Variants in GSN observed in about 807,000 individuals in gnomAD.
GSN encodes the protein actin-depolymerizing factor.
Under a neutral mutation model 85.7 loss-of-function variants are expected in GSN, and 56 were observed. The observed-to-expected ratio is 0.65, with a 90% CI of 0.53 to 0.82. The LOEUF is 0.82. Among genes scored for constraint, GSN ranks in the 40% least tolerant of loss-of-function variants. The pLI, the probability that GSN is intolerant of heterozygous loss-of-function variation, is 0.00. For missense variants in GSN, 857 were observed against 979.8 expected, an observed-to-expected ratio of 0.87 and a Z score of 1.67; for synonymous variants, 373 against 399.1, an observed-to-expected ratio of 0.93 and a Z score of 0.78.
intron 10 of GSN, 56 bp from the exon 11 acceptor site, chr9:121,321,212 C>G: frequency 1.9e-6 from 3 of 1,605,036 alleles, no homozygotes; most frequent in East Asian, 2.2e-5. Context: ...CCTGGCTTGC[C>G]TGAGCTGGGG....
Position 121,302,948 on chromosome 9 carries a change from C to T in GSN, c.234C>T (p.Ala78=). Residue 78 remains alanine, a synonymous_variant, in exon 4 of 18, where the codon GCC becomes GCT. Transcript: ENST00000432226. The part of the protein sequence containing the change: ...ECSQDESGAA[A]IFTVQLDDYL... ...GCCAGGATGAGAGCGGGGCGGCCGC[C>T]ATCTTTACCGTGCAGCTGGATGACT... 2 of 1,614,002 alleles carry T rather than the reference C, an allele frequency of 1.2e-6. No homozygotes were observed. Among genetic ancestry groups the T allele is most frequent in the Non-Finnish European group, 1.7e-6 (2 of 1,180,024 alleles).
At chr9:121,241,973 C>T (rs1271473920) in intron 5 of GSN, among the ~76,000 whole-genome samples, 1 of 152,202 alleles carries the variant, frequency 6.6e-6, no homozygotes, top group Non-Finnish European at 1.5e-5. Context: ...TGGGTCTCTA[C>T]AGATCTTGGT....
At chr9:121,288,606 G>A (rs867935726) in intron 2 of GSN, among the ~76,000 whole-genome samples, 8 of 152,176 alleles carry the variant, frequency 5.3e-5, no homozygotes, top group African/African-American at 1.7e-4. Flanking sequence ...GCACTGAGAC[G>A]GGAAGTCACT....
chr9:121,273,028 CA>C (rs1182603082), intron 1 of GSN, among the ~76,000 whole-genome samples: 1 of 152,180 alleles, frequency 6.6e-6, no homozygotes, highest in African/African-American at 2.4e-5. Flanking sequence ...GGAGCCTCTT[CA>C]CCTCTTGCAT....
chr9:121,222,600 A>G (rs2054189746), intron 4 of GSN, among the ~76,000 whole-genome samples: 1 of 152,184 alleles, frequency 6.6e-6, no homozygotes, highest in Non-Finnish European at 1.5e-5. Context: ...ATGGGCAAGG[A>G]TAATTTGCAT....
chr9:121,269,026 T>A (rs1019759814), intron 1 of GSN, among the ~76,000 whole-genome samples: 34 of 152,206 alleles, frequency 2.2e-4, no homozygotes, highest in African/African-American at 8.2e-4. Context: ...CCTAGCTCCT[T>A]GTCTGCCCAG....
Position 121,317,235 on chromosome 9 carries a change from A to G in GSN, c.886+17A>G, listed in dbSNP as rs759999187. The stretch of plus-strand genomic sequence containing the variant: ...TCTGGAAAGGTACTGGAGACAGGGA[A>G]AGGGTCCCAACTGGCCTGTAGGATC... On this transcript the variant is annotated intron_variant, in intron 8 of 17. Coordinates refer to ENST00000432226, the MANE Select transcript of GSN (RefSeq NM_198252.3). 1.7e-5 allele frequency: 27 copies of G among 1,613,572 alleles called. No homozygotes were observed. Among genetic ancestry groups the G allele is most frequent in the Non-Finnish European group, 2.1e-5 (25 of 1,179,760 alleles).
chr9:121,305,718 TTGGGGCTTC>T (rs2060338724), intron 4 of GSN, among the ~76,000 whole-genome samples: 1 of 152,206 alleles, frequency 6.6e-6, no homozygotes, highest in Admixed American at 6.5e-5. Flanking sequence ...GGGCCCAGAT[TTGGGGCTTC>T]TGTCCTGAAA....
Position 121,332,619 on chromosome 9 carries a change from A to G in GSN, c.*16A>G. The stretch of plus-strand genomic sequence containing the variant: ...GGCTGCCTGAGGAGGGGCAGGGCCC[A>G]CCCATGTCACCGGTCAGTGCCTTTT... On this transcript the variant is annotated 3_prime_UTR_variant, in exon 18 of 18. Transcript: ENST00000432226. This position sits in a 1 kb window ranked among gnomAD's most constrained non-coding sequence, Gnocchi z 4.8. The G allele has an allele frequency of 1.9e-6, 3 of 1,605,130 alleles. No homozygotes were observed. Among genetic ancestry groups the G allele is most frequent in the Non-Finnish European group, 2.6e-6 (3 of 1,174,492 alleles).
upstream of GSN, among the ~76,000 whole-genome samples, chr9:121,264,513 A>G (rs2055158132): frequency 6.6e-6 from 1 of 152,196 alleles, no homozygotes; most frequent in Admixed American, 6.5e-5. Flanking sequence ...CACTAAACAC[A>G]CTAAATCAGT....
intron 2 of GSN, chr9:121,281,813 C>G: frequency 2.1e-6 from 1 of 471,190 alleles, no homozygotes; most frequent in Non-Finnish European, 4.4e-6. Context: ...ATGCCTGGCT[C>G]CCACCCTGGC....
chr9:121,315,894 T>A (rs2061657637), intron 7 of GSN, among the ~76,000 whole-genome samples: 1 of 152,256 alleles, frequency 6.6e-6, no homozygotes, highest in Non-Finnish European at 1.5e-5. Context: ...GTGCCTTGGT[T>A]TCCTTGTGAA....
intron 7 of GSN, 59 bp downstream of exon 7, chr9:121,314,082 T>C (rs2133543392): frequency 8.3e-6 from 11 of 1,321,328 alleles, no homozygotes; most frequent in Non-Finnish European, 1.1e-5. Context: ...GGTGGAAGAC[T>C]TGGTCTTCCC....
At chr9:121,305,609 C>G (rs996321354) in intron 4 of GSN, among the ~76,000 whole-genome samples, 1 of 152,224 alleles carries the variant, frequency 6.6e-6, no homozygotes, top group Admixed American at 6.5e-5. Context: ...TTGATCCTCG[C>G]TCGGATATGG....
At chr9:121,255,157 C>G (rs2054926244) in intron 6 of GSN, among the ~76,000 whole-genome samples, 2 of 152,160 alleles carry the variant, frequency 1.3e-5, no homozygotes, top group Admixed American at 1.3e-4. Flanking sequence ...ACCGTATTAG[C>G]CAGGATGGTC....
chr9:121,264,113 T>C (rs1564365454), upstream of GSN, among the ~76,000 whole-genome samples: 1 of 152,200 alleles, frequency 6.6e-6, no homozygotes, highest in African/African-American at 2.4e-5. Context: ...TAGATTGTTA[T>C]TGAAGGCTGT....
At chr9:121,273,267 A>G (rs10760167) in intron 1 of GSN, among the ~76,000 whole-genome samples, 63,318 of 151,978 alleles carry the variant, frequency 0.42, 14,520 homozygotes, top group South Asian at 0.6. Flanking sequence ...ATCAGAGCCA[A>G]GCTTATTTGC....
intron 11 of GSN, among the ~76,000 whole-genome samples, chr9:121,322,148 C>T: frequency 6.6e-6 from 1 of 152,148 alleles, no homozygotes; most frequent in South Asian, 2.1e-4. Flanking sequence ...TCCCTCTCTA[C>T]CCCATTCTCC....
intron 4 of GSN, among the ~76,000 whole-genome samples, chr9:121,224,376 G>A (rs1437393909): frequency 6.6e-6 from 1 of 152,182 alleles, no homozygotes; most frequent in Non-Finnish European, 1.5e-5. Flanking sequence ...TGGGATTACA[G>A]GCGTGAGCCA....
Sources: gnomAD v4.1 joint callset for allele counts (sites outside exome capture counted in the v4.1 genomes callset) on GRCh38, gnomAD v4.1.1 for gene constraint, Gnocchi (gnomAD v3.1) non-coding constraint, MANE v1.5 for transcripts, NCBI Gene and HGNC (gene_info 2026-07-23, HGNC 2026-07-21) for gene names.